The following ARHGEF12 variants were observed in gnomAD, a reference collection of about 807,000 sequenced individuals.
The protein encoded by ARHGEF12 is Rho guanine nucleotide exchange factor 12, also known as KMT2A/ARHGEF12 fusion protein.
A neutral mutation model predicts 211.2 loss-of-function variants in ARHGEF12; 66 were observed. The observed-to-expected ratio is 0.31, with a 90% confidence interval of 0.26 to 0.38. The LOEUF (loss-of-function observed/expected upper bound fraction) is 0.38, where lower values mean the gene tolerates loss of function less well. Ranked by LOEUF, ARHGEF12 falls within the 10% of genes least tolerant of loss-of-function variation. ARHGEF12 has a pLI of 1.00. For missense variants in ARHGEF12, 1,429 were observed against 1,869.5 expected, an observed-to-expected ratio of 0.76 and a Z score of 4.34; for synonymous variants, 592 against 638.4, an observed-to-expected ratio of 0.93 and a Z score of 1.09.
At position 120,429,756 on chromosome 11, in the gene ARHGEF12, A is replaced by G. The variant is rs948337804; in HGVS notation, c.708A>G (p.Leu236=). The change falls in exon 10 of 41, where the codon CTA becomes CTG. Residue 236 remains leucine, a synonymous_variant. Transcript: ENST00000397843. ...ACCGAACACCTGCCCAAAGATTGCTAAAAGAGATCCAAGAGGCCAAGAAAC... is the reference window on the plus strand; with the variant it reads ...ACCGAACACCTGCCCAAAGATTGCTGAAAGAGATCCAAGAGGCCAAGAAAC... The part of the protein sequence containing the change: ...DYNRTPAQRL[L]KEIQEAKKHI... 3.7e-6 allele frequency: 6 copies of G among 1,613,840 alleles called. No individual in the cohort carries two copies. The highest frequency in any genetic ancestry group is 1.7e-5 in the Admixed American group (1 of 60,002).
intron 3 of ARHGEF12, chr11:120,408,390 G>A (rs1433957491): frequency 6.6e-6 from 1 of 152,088 alleles, no homozygotes; most frequent in African/African-American, 2.4e-5. Flanking sequence ...CACCTTAACA[G>A]ACTTTCAGAT....
At chr11:120,457,781 A>T in intron 24 of ARHGEF12, 25 bp downstream of exon 24, 1 of 1,601,370 alleles carries the variant, frequency 6.2e-7, no homozygotes, top group Non-Finnish European at 8.5e-7. Flanking sequence ...AGCAGCTTTC[A>T]ATAAAGGCGC....
At chr11:120,402,296 G>A (rs1373944075) in intron 1 of ARHGEF12, among the ~76,000 whole-genome samples, 3 of 151,990 alleles carry the variant, frequency 2.0e-5, no homozygotes, top group Non-Finnish European at 2.9e-5. Context: ...TATTTACATC[G>A]TCTTACGATG....
chr11:120,346,959 G>A (rs2135269818), intron 1 of ARHGEF12, among the ~76,000 whole-genome samples: 1 of 152,260 alleles, frequency 6.6e-6, no homozygotes, highest in Middle Eastern at 3.4e-3. Flanking sequence ...CTGTCTGATA[G>A]GGTGAGGTAA....
At chr11:120,440,103 T>G in intron 12 of ARHGEF12, 26 bp from the exon 13 acceptor site, 2 of 1,556,382 alleles carry the variant, frequency 1.3e-6, no homozygotes, top group Non-Finnish European at 1.8e-6. Flanking sequence ...GTAATTTTTC[T>G]GTTTCTTTTC....
chr11:120,372,257 C>T (rs1186291559), intron 1 of ARHGEF12, among the ~76,000 whole-genome samples: 1 of 152,114 alleles, frequency 6.6e-6, no homozygotes, highest in Non-Finnish European at 1.5e-5. Context: ...TTACTTAACA[C>T]TATTAAGCAC....
chr11:120,477,084 G>A (rs1346945964), intron 34 of ARHGEF12, 135 bp from the exon 35 acceptor site: 1 of 245,806 alleles, frequency 4.1e-6, no homozygotes. Flanking sequence ...AGTGGGTTTT[G>A]TTGTTGTTGT....
chr11:120,376,218 T>A (rs1478710707), intron 1 of ARHGEF12, among the ~76,000 whole-genome samples: 3 of 116,790 alleles, frequency 2.6e-5, no homozygotes, highest in African/African-American at 1.2e-4. Context: ...CATTGAAATG[T>A]TAAATTTTTT....
chr11:120,414,183 C>T (rs1371959255), intron 4 of ARHGEF12, among the ~76,000 whole-genome samples: 1 of 152,084 alleles, frequency 6.6e-6, no homozygotes, highest in Non-Finnish European at 1.5e-5. Context: ...CTTTACTTCA[C>T]TGATGAGATG....
chr11:120,467,172 A>T, intron 28 of ARHGEF12, 22 bp from the exon 29 acceptor site: 1 of 1,448,484 alleles, frequency 6.9e-7, no homozygotes, highest in Non-Finnish European at 9.7e-7. Flanking sequence ...TTACAGATTC[A>T]CTTATTTCAC....
chr11:120,452,921 A>G (rs1946253887), intron 22 of ARHGEF12, among the ~76,000 whole-genome samples: 1 of 149,936 alleles, frequency 6.7e-6, no homozygotes, highest in Admixed American at 6.6e-5. Flanking sequence ...GCTTGAATCC[A>G]GGAGGTGGGT....
rs1337592116 is a variant in ARHGEF12, at chr11:120,488,009, C to T, written c.*2932C>T. The T allele has an allele frequency of 9.0e-6, 2 of 222,048 alleles. No individual in the cohort carries two copies. Among genetic ancestry groups the T allele is most frequent in the East Asian group, 1.3e-4 (2 of 15,154 alleles). The allele number at this position is 222,048 out of a possible 1,614,324, so 13.8% of individuals were successfully genotyped here. A position where few individuals can be genotyped will look rare whatever the true frequency, so the allele number is the denominator to read the frequency against. On this transcript the variant is annotated 3_prime_UTR_variant, in exon 41 of 41. Coordinates refer to ENST00000397843, the MANE Select transcript of ARHGEF12 (RefSeq NM_015313.3). ...GAGGTATATTTTATGAGCTTTTTGG[C>T]TTTCTTTTTTCCCACAGCAACTGCC...
intron 22 of ARHGEF12, among the ~76,000 whole-genome samples, chr11:120,453,808 C>G (rs11603533): frequency 0.018 from 2,749 of 152,292 alleles, 38 homozygotes; most frequent in Non-Finnish European, 0.03. Context: ...AGAACCCAGT[C>G]TGCTCATTGG....
chr11:120,483,258 C>CTCT, intron 39 of ARHGEF12, among the ~76,000 whole-genome samples: 1 of 97,504 alleles, frequency 1.0e-5, no homozygotes, highest in Non-Finnish European at 1.9e-5. Flanking sequence ...CCATAATAAT[C>CTCT]TTTTTTTTTT....
chr11:120,379,967 C>G (rs1943833882), intron 1 of ARHGEF12, among the ~76,000 whole-genome samples: 1 of 152,122 alleles, frequency 6.6e-6, no homozygotes, highest in Admixed American at 6.5e-5. Context: ...GTGTTGGCCT[C>G]AGAAAATTTT....
intron 1 of ARHGEF12, among the ~76,000 whole-genome samples, chr11:120,365,391 A>G (rs909565134): frequency 6.6e-6 from 1 of 152,204 alleles, no homozygotes; most frequent in African/African-American, 2.4e-5. Context: ...GAACTAGGGC[A>G]GTGGTGATAG....
At chr11:120,458,320 C>T in intron 25 of ARHGEF12, 86 bp downstream of exon 25, 1 of 1,503,110 alleles carries the variant, frequency 6.7e-7, no homozygotes, top group South Asian at 1.2e-5. Context: ...GAGTTTGCTT[C>T]AAAGTTTCTC....
chr11:120,374,801 T>C (rs1943682719), intron 1 of ARHGEF12, among the ~76,000 whole-genome samples: 1 of 152,248 alleles, frequency 6.6e-6, no homozygotes, highest in South Asian at 2.1e-4. Flanking sequence ...TATGCTTTTA[T>C]GACTAATTCA....
intron 22 of ARHGEF12, 81 bp downstream of exon 22, chr11:120,451,805 TTAA>T (rs1410020527): frequency 2.8e-5 from 37 of 1,301,590 alleles, no homozygotes; most frequent in Non-Finnish European, 3.8e-5. Context: ...GAGTGGCAAG[TTAA>T]TCAAGACTAA....
Sources: gnomAD v4.1 joint callset for allele counts (sites outside exome capture counted in the v4.1 genomes callset) on GRCh38, gnomAD v4.1.1 for gene constraint, MANE v1.5 for transcripts, NCBI Gene and HGNC (gene_info 2026-07-23, HGNC 2026-07-21) for gene names.